Variants in PDK1 observed in about 807,000 individuals in gnomAD.
The protein encoded by PDK1 is pyruvate dehydrogenase kinase 1, also known as [Pyruvate dehydrogenase (acetyl-transferring)] kinase isozyme 1, mitochondrial.
Under a neutral mutation model 54.2 loss-of-function variants are expected in PDK1, and 39 were observed. That is an observed-to-expected ratio of 0.72 (90% CI 0.56 to 0.94). The LOEUF (loss-of-function observed/expected upper bound fraction) is 0.94. Among genes scored for constraint, PDK1 ranks in the 40% least tolerant of loss-of-function variants. PDK1 has a pLI of 0.00. For missense variants in PDK1, 552 were observed against 566.0 expected (o/e 0.98, Z 0.25); for synonymous variants, 221 against 207.1 (o/e 1.07, Z -0.58).
At chr2:172,702,519 C>T in the PDK1 span, among the ~76,000 whole-genome samples, 1 of 149,284 alleles carries the variant, frequency 6.7e-6, no homozygotes, top group South Asian at 2.1e-4. Context: ...GGGCCTCTTT[C>T]ATTGTTAGAC....
rs1349759500 is a variant in PDK1 at position 172,604,791 on chromosome 2, A to T, written c.*8822A>T. 6 of 152,164 alleles carry T rather than the reference A, an allele frequency of 3.9e-5. No homozygotes were observed. In the East Asian group the frequency reaches 1.2e-3, roughly 29 times the overall value. 9.4% of individuals were successfully genotyped at this position (152,164 alleles called of 1,614,324 possible). ...CCCAGTCCAGGGCTGCTTGAGTGTTACTGTTTTGTGCCACAATATGATGTG... is the reference window on the plus strand; with the variant it reads ...CCCAGTCCAGGGCTGCTTGAGTGTTTCTGTTTTGTGCCACAATATGATGTG... On this transcript the variant is annotated 3_prime_UTR_variant, in exon 11 of 11. Transcript: ENST00000282077.
intron 8 of PDK1, among the ~76,000 whole-genome samples, chr2:172,585,316 A>ATTTTTTTTTTT (rs538241255): frequency 2.9e-5 from 3 of 103,302 alleles, no homozygotes; most frequent in African/African-American, 4.5e-5. Flanking sequence ...TGCATTTTTA[A>ATTTTTTTTTTT]TTTTTTTTTT....
chr2:172,685,709 A>G, the PDK1 span, among the ~76,000 whole-genome samples: 1 of 152,220 alleles, frequency 6.6e-6, no homozygotes, highest in African/African-American at 2.4e-5. Flanking sequence ...TGCACCCGAT[A>G]CATGTTGTAT....
At chr2:172,591,222 G>A (rs1045383280) in intron 9 of PDK1, among the ~76,000 whole-genome samples, 2 of 152,218 alleles carry the variant, frequency 1.3e-5, no homozygotes, top group Non-Finnish European at 2.9e-5. Context: ...GTAATAGCAA[G>A]ATGGCTGTCA....
chr2:172,656,158 T>C, the PDK1 span, among the ~76,000 whole-genome samples: 1 of 152,232 alleles, frequency 6.6e-6, no homozygotes, highest in East Asian at 1.9e-4. Context: ...GGTAGCTTTA[T>C]TTTAGAACAG....
chr2:172,566,746 C>G, intron 5 of PDK1, 110 bp from the exon 6 acceptor site: 2 of 342,870 alleles, frequency 5.8e-6, no homozygotes. Context: ...AGTATATTTT[C>G]TTCTGTAGAG....
At chr2:172,579,974 C>T (rs528227245) in intron 8 of PDK1, among the ~76,000 whole-genome samples, 5 of 151,474 alleles carry the variant, frequency 3.3e-5, no homozygotes, top group Admixed American at 6.6e-5. Flanking sequence ...TTCTATTGAA[C>T]TTTTATTTCC....
At chr2:172,645,175 C>T in the PDK1 span, among the ~76,000 whole-genome samples, 1 of 151,128 alleles carries the variant, frequency 6.6e-6, no homozygotes, top group Non-Finnish European at 1.5e-5. Flanking sequence ...GTGCCCTTTC[C>T]CCCAGAAATC....
At chr2:172,695,967 G>A in the PDK1 span, among the ~76,000 whole-genome samples, 3 of 152,082 alleles carry the variant, frequency 2.0e-5, no homozygotes, top group African/African-American at 7.2e-5. Context: ...GAGATCAGAA[G>A]TTTGTGACCA....
chr2:172,681,557 TGG>T, the PDK1 span, among the ~76,000 whole-genome samples: 9 of 152,200 alleles, frequency 5.9e-5, no homozygotes, highest in Non-Finnish European at 1.3e-4. Flanking sequence ...GCACCTATTA[TGG>T]GGCCAGACAT....
chr2:172,594,532 C>G (rs994143802), intron 10 of PDK1, among the ~76,000 whole-genome samples: 1 of 152,154 alleles, frequency 6.6e-6, no homozygotes, highest in South Asian at 2.1e-4. Context: ...GAGCTTCATT[C>G]AAAGCCATCC....
the PDK1 span, among the ~76,000 whole-genome samples, chr2:172,621,107 C>A: frequency 5.3e-5 from 8 of 152,146 alleles, no homozygotes; most frequent in Non-Finnish European, 1.0e-4. Context: ...TGGCAAAACC[C>A]CATCTCTACT....
chr2:172,666,671 G>A, the PDK1 span, among the ~76,000 whole-genome samples: 774 of 152,298 alleles, frequency 5.1e-3, 5 homozygotes, highest in African/African-American at 0.017. Flanking sequence ...ACTAAGAACA[G>A]AGCAGGTGAC....
chr2:172,655,671 C>G, the PDK1 span, among the ~76,000 whole-genome samples: 1 of 152,226 alleles, frequency 6.6e-6, no homozygotes, highest in Non-Finnish European at 1.5e-5. Flanking sequence ...ACCATCCCTT[C>G]AACCCCTTAC....
chr2:172,637,496 A>T, the PDK1 span, among the ~76,000 whole-genome samples: 2 of 152,202 alleles, frequency 1.3e-5, no homozygotes, highest in Admixed American at 6.5e-5. Flanking sequence ...GGTCTACAGA[A>T]TTCTTTATCA....
chr2:172,692,505 C>T, the PDK1 span, among the ~76,000 whole-genome samples: 2 of 152,152 alleles, frequency 1.3e-5, no homozygotes, highest in Non-Finnish European at 2.9e-5. Flanking sequence ...TTTGCCCATG[C>T]GCCATGGAAG....
At chr2:172,619,608 A>C in the PDK1 span, among the ~76,000 whole-genome samples, 1 of 152,208 alleles carries the variant, frequency 6.6e-6, no homozygotes, top group East Asian at 1.9e-4. Context: ...AATAAAAGGC[A>C]AAGAGTAAAA....
chr2:172,686,872 C>G, the PDK1 span, among the ~76,000 whole-genome samples: 3 of 152,146 alleles, frequency 2.0e-5, no homozygotes, highest in Non-Finnish European at 4.4e-5. Flanking sequence ...CTATCATGAT[C>G]CAAATAAGAT....
intron 8 of PDK1, among the ~76,000 whole-genome samples, chr2:172,571,168 A>T (rs1689232237): frequency 6.6e-6 from 1 of 152,162 alleles, no homozygotes; most frequent in Non-Finnish European, 1.5e-5. Flanking sequence ...AAAAAATTTT[A>T]AAACAGTGCT....
Sources: allele counts gnomAD v4.1 joint callset (sites outside exome capture counted in the v4.1 genomes callset), GRCh38; gene constraint gnomAD v4.1.1; transcripts MANE v1.5; gene names NCBI Gene and HGNC (gene_info 2026-07-23, HGNC 2026-07-21).